PLEKHM2: variants seen among roughly 807,000 people sequenced by gnomAD.
The protein encoded by PLEKHM2 is pleckstrin homology and RUN domain containing M2.
A neutral mutation model predicts 116.3 loss-of-function variants in PLEKHM2; 77 were observed. The observed-to-expected ratio is 0.66, with a 90% CI of 0.55 to 0.80. The LOEUF is 0.80. Ranked by LOEUF, PLEKHM2 falls within the 30% of genes least tolerant of loss-of-function variation. The pLI is 0.00. For synonymous variants in PLEKHM2, 562 were observed against 571.0 expected, an observed-to-expected ratio of 0.98 and a Z score of 0.22; for missense variants, 1,183 against 1,354.9, an observed-to-expected ratio of 0.87 and a Z score of 1.99.
In PLEKHM2 at chr1:15,727,394, C is replaced by G. The variant is rs373711687; in HGVS notation, c.1322C>G (p.Ser441Cys). The change falls in exon 9 of 20, where the codon TCT becomes TGT. Residue 441 changes from serine (S) to cysteine (C), a missense_variant. Ser to Cys is a moderately radical substitution (Grantham distance 112). Coordinates refer to ENST00000375799, the MANE Select transcript of PLEKHM2 (RefSeq NM_015164.4). This position sits in a 1 kb window ranked among gnomAD's most constrained non-coding sequence, Gnocchi z 7.5. ...EPPDQSFRTG[S>C]PGDAPERPPL... The stretch of plus-strand genomic sequence containing the variant: ...CCAGACCAGTCCTTTCGGACCGGCT[C>G]TCCCGGGGATGCCCCGGAGAGGCCG... The G allele has an allele frequency of 5.1e-4, 814 of 1,603,766 alleles. 8 individuals are homozygous for G. In the South Asian group the frequency reaches 8.6e-3, roughly 17 times the overall value.
chr1:15,718,076 AC>A, intron 4 of PLEKHM2, 84 bp downstream of exon 4: 1 of 830,460 alleles, frequency 1.2e-6, no homozygotes, highest in Non-Finnish European at 2.0e-6. Context: ...TGCAGACAGC[AC>A]AGTGTGCCAC....
At chr1:15,701,127 AAAG>A (rs1641101654) in intron 1 of PLEKHM2, among the ~76,000 whole-genome samples, 2 of 134,718 alleles carry the variant, frequency 1.5e-5, no homozygotes, top group African/African-American at 5.7e-5. Flanking sequence ...AAAAAAAAAA[AAAG>A]GGGGTGGGGG....
At chr1:15,697,496 T>C (rs1641021692) in intron 1 of PLEKHM2, among the ~76,000 whole-genome samples, 1 of 152,260 alleles carries the variant, frequency 6.6e-6, no homozygotes. Flanking sequence ...TAGCTGCTTT[T>C]GGAAACCATG....
At chr1:15,682,404 T>C (rs1640663730), upstream of PLEKHM2, among the ~76,000 whole-genome samples, 3 of 147,582 alleles carry the variant, frequency 2.0e-5, 1 homozygote, top group South Asian at 6.4e-4. Flanking sequence ...TGAGCTGAAA[T>C]TGTGCCACCG....
chr1:15,707,503 A>G (rs1214200586), intron 1 of PLEKHM2, among the ~76,000 whole-genome samples: 1 of 152,190 alleles, frequency 6.6e-6, no homozygotes, highest in African/African-American at 2.4e-5. Context: ...GCTGTGTTCC[A>G]ATAAAACTTT....
At chr1:15,694,472 T>G (rs1251434291) in intron 1 of PLEKHM2, among the ~76,000 whole-genome samples, 1 of 152,228 alleles carries the variant, frequency 6.6e-6, no homozygotes, top group Admixed American at 6.5e-5. Flanking sequence ...CTTGAGGGTC[T>G]AAACCAGGCA....
chr1:15,709,217 A>G (rs1641280818), intron 1 of PLEKHM2, among the ~76,000 whole-genome samples: 1 of 152,206 alleles, frequency 6.6e-6, no homozygotes, highest in African/African-American at 2.4e-5. Flanking sequence ...ATTGAGTGCA[A>G]CCAAAGAGTA....
chr1:15,686,588 C>G (rs552905801), intron 1 of PLEKHM2, among the ~76,000 whole-genome samples: 96 of 151,690 alleles, frequency 6.3e-4, no homozygotes, highest in African/African-American at 2.2e-3. Flanking sequence ...TCAAGCGATT[C>G]TTCTGCCTCG....
rs1045096598 is a variant in PLEKHM2 at position 15,730,456 on chromosome 1, A to AT, written c.2209-76_2209-75insT. Reference sequence around the variant, plus strand: ...GACTCCATCTCAAAAAGAAAAAAAAAGAACCAGTCCGGGCTCAGCCACCTG... The same window carrying AT: ...GACTCCATCTCAAAAAGAAAAAAAAATGAACCAGTCCGGGCTCAGCCACCTG... On this transcript the variant is annotated intron_variant, in intron 14 of 19. Transcript: ENST00000375799. 24 of 1,245,994 alleles carry AT rather than the reference A, an allele frequency of 1.9e-5. No individual in the cohort carries two copies. In the African/African-American group the frequency reaches 3.7e-4, roughly 19 times the overall value. 77.2% of individuals were successfully genotyped at this position (1,245,994 alleles called of 1,614,324 possible).
At chr1:15,716,914 G>A (rs1641458435) in intron 3 of PLEKHM2, 98 bp downstream of exon 3, 1 of 1,455,872 alleles carries the variant, frequency 6.9e-7, no homozygotes, top group African/African-American at 1.4e-5. Context: ...GTCAGCCCTG[G>A]GAGGCAAATT....
upstream of PLEKHM2, chr1:15,682,950 G>A (rs188692115): frequency 2.0e-5 from 3 of 152,422 alleles, no homozygotes; most frequent in East Asian, 5.8e-4. Context: ...CTAAGTGCAG[G>A]GGCTTTATGA....
At position 15,719,973 on chromosome 1, in the gene PLEKHM2, A is replaced by T. The variant is rs915061780; in HGVS notation, c.652+53A>T. The T allele has an allele frequency of 7.1e-5, 104 of 1,454,734 alleles. No homozygotes were observed. In the South Asian group the frequency reaches 9.9e-4, roughly 14 times the overall value. 90.1% of individuals were successfully genotyped at this position (1,454,734 alleles called of 1,614,324 possible). ...AGCCCCTGTTGTGAAACAGACTTGA[A>T]CTGCTTAAGCCTGGCTGGGTGATGT... On this transcript the variant is annotated intron_variant, in intron 6 of 19. Transcript: ENST00000375799. This position sits in a 1 kb window ranked among gnomAD's most constrained non-coding sequence, Gnocchi z 4.1.
chr1:15,732,698 A>G lies in PLEKHM2; in HGVS notation c.2892A>G (p.Ala964=). The G allele has an allele frequency of 1.2e-6, 2 of 1,610,136 alleles. No homozygotes were observed. The highest frequency in any genetic ancestry group is 1.7e-6 in the Non-Finnish European group (2 of 1,178,282). Residue 964 remains alanine (A), a synonymous_variant, in exon 19 of 20, where the codon GCA becomes GCG. Coordinates refer to ENST00000375799, the MANE Select transcript of PLEKHM2 (RefSeq NM_015164.4). ...CTGAACTGGACCGATTGCTGTCTGCACTGAACTCTGGGTGGAAAACCATCT... is the reference window on the plus strand; with the variant it reads ...CTGAACTGGACCGATTGCTGTCTGCGCTGAACTCTGGGTGGAAAACCATCT... The part of the protein sequence containing the change: ...CTSELDRLLS[A]LNSGWKTIYQ...
Position 15,721,258 on chromosome 1 carries a change from C to G in PLEKHM2, c.653-71C>G. ...TCCCCATGTCTCCCACCCCATTTCCCCTCCCCTCCCTCCAGTCATCCTTCC... is the reference window on the plus strand; with the variant it reads ...TCCCCATGTCTCCCACCCCATTTCCGCTCCCCTCCCTCCAGTCATCCTTCC... On this transcript the variant is annotated intron_variant, in intron 6 of 19. Coordinates refer to ENST00000375799, the MANE Select transcript of PLEKHM2 (RefSeq NM_015164.4). This position sits in a 1 kb window ranked among gnomAD's most constrained non-coding sequence, Gnocchi z 5.1. The G allele has an allele frequency of 1.1e-6, 1 of 870,614 alleles. No homozygotes were observed. The highest frequency in any genetic ancestry group is 1.9e-6 in the Non-Finnish European group (1 of 533,442). The allele number at this position is 870,614 out of a possible 1,614,324, so 53.9% of individuals were successfully genotyped here. A position where few individuals can be genotyped will look rare whatever the true frequency, so the allele number is the denominator to read the frequency against.
Position 15,731,446 on chromosome 1 carries a change from C to T in PLEKHM2, c.2465+189C>T, listed in dbSNP as rs376782081. On this transcript the variant is annotated intron_variant, in intron 16 of 19. Coordinates refer to ENST00000375799, the MANE Select transcript of PLEKHM2 (RefSeq NM_015164.4). ...AGCCCACAGGAGGGGAGGAGGGAGGCAGCAAGGAGCTCCTGGCTTAGAACA... is the reference window on the plus strand; with the variant it reads ...AGCCCACAGGAGGGGAGGAGGGAGGTAGCAAGGAGCTCCTGGCTTAGAACA... Among the ~76,000 whole-genome samples, 46 of 152,260 alleles carry T rather than the reference C, an allele frequency of 3.0e-4. No individual in the cohort carries two copies. The East Asian group carries it at 6.0e-3, about 20-fold the overall frequency.
At chr1:15,686,102 A>G (rs1425167109) in intron 1 of PLEKHM2, among the ~76,000 whole-genome samples, 3 of 152,240 alleles carry the variant, frequency 2.0e-5, no homozygotes, top group African/African-American at 4.8e-5. Flanking sequence ...ACGCTGTCAC[A>G]TGTATAAGCA....
intron 14 of PLEKHM2, 129 bp from the exon 15 acceptor site, chr1:15,730,403 C>T: frequency 1.4e-6 from 1 of 699,566 alleles, no homozygotes; most frequent in Non-Finnish European, 2.3e-6. Context: ...GATCACACCA[C>T]TGCAGTCCAG....
At position 15,732,392 on chromosome 1, in the gene PLEKHM2, T is replaced by G; in HGVS notation, c.2668T>G (p.Cys890Gly). Residue 890 changes from cysteine to glycine, a missense_variant, in exon 18 of 20, where the codon TGC (cysteine) becomes GGC (glycine). Physicochemically the swap from Cys to Gly is radical, Grantham distance 159 (BLOSUM62 -3). Around this residue, in one of 3 missense-constraint regions of PLEKHM2, gnomAD observed 594 missense variants for 720.1 expected, o/e 0.82. Transcript: ENST00000375799. ...GVAPSPCIPC[C>G]LVLTDDRLFT... Reference sequence around the variant, plus strand: ...AGCTCCCAGCCCCTGCATACCCTGCTGCCTGGTCCTCACGGATGACCGCCT... The same window carrying G: ...AGCTCCCAGCCCCTGCATACCCTGCGGCCTGGTCCTCACGGATGACCGCCT... 6.4e-7 allele frequency: 1 copy of G among 1,563,452 alleles called. No individual in the cohort carries two copies. The highest frequency in any genetic ancestry group is 8.7e-7 in the Non-Finnish European group (1 of 1,153,994).
rs74985656 is a variant in PLEKHM2 at position 15,719,472 on chromosome 1, G to T, written c.466-262G>T. On this transcript the variant is annotated intron_variant, in intron 5 of 19. Transcript: ENST00000375799. This position sits in a 1 kb window ranked among gnomAD's most constrained non-coding sequence, Gnocchi z 4.1. ...TCTCAAAAAAAAAAATAAATAAATA[G>T]AGAGAGAGAGAGATAGCGGGGGCAT... is the stretch of plus-strand genomic sequence containing the variant. Among the ~76,000 whole-genome samples the T allele has an allele frequency of 1.4e-5, 2 of 142,818 alleles. No individual in the cohort carries two copies. Among genetic ancestry groups the T allele is most frequent in the South Asian group, 2.1e-4 (1 of 4,770 alleles). The allele number at this position is 142,818 out of a possible 152,430, so 93.7% of individuals were successfully genotyped here. A position where few individuals can be genotyped will look rare whatever the true frequency, so the allele number is the denominator to read the frequency against.
Sources: allele counts gnomAD v4.1 joint callset (sites outside exome capture counted in the v4.1 genomes callset), GRCh38; gene constraint gnomAD v4.1.1; regional missense constraint gnomAD v4.1.1; non-coding constraint Gnocchi (gnomAD v3.1); transcripts MANE v1.5; gene names NCBI Gene and HGNC (gene_info 2026-07-23, HGNC 2026-07-21).